Variants in WWOX observed in about 807,000 individuals in gnomAD.
WWOX encodes the protein WW domain containing oxidoreductase, also known as WW domain-containing oxidoreductase.
WWOX carries 69 observed loss-of-function variants against 46.2 expected under a neutral mutation model. The observed-to-expected ratio is 1.49, with a 90% CI of 1.23 to 1.82. The LOEUF (loss-of-function observed/expected upper bound fraction) is 1.82. Ranked by LOEUF, WWOX falls within the 40% of genes most tolerant of loss-of-function variation. The pLI, the probability that WWOX is intolerant of heterozygous loss-of-function variation, is 0.00. For synonymous variants in WWOX, 359 were observed against 202.6 expected, an observed-to-expected ratio of 1.77 and a Z score of -6.56; for missense variants, 919 against 542.6, an observed-to-expected ratio of 1.69 and a Z score of -6.89.
intron 4 of WWOX, among the ~76,000 whole-genome samples, chr16:78,132,181 C>A (rs993921054): frequency 2.0e-5 from 3 of 151,768 alleles, no homozygotes; most frequent in East Asian, 3.9e-4. Context: ...CCCGCCACCA[C>A]GCCCGGCTAA....
intron 8 of WWOX, among the ~76,000 whole-genome samples, chr16:78,791,521 C>T (rs1159708796): frequency 6.6e-6 from 1 of 152,228 alleles, no homozygotes; most frequent in South Asian, 2.1e-4. Flanking sequence ...TTGTGTTCCC[C>T]AGATGGGTTT....
chr16:78,540,188 A>G (rs1309329359), intron 8 of WWOX, among the ~76,000 whole-genome samples: 2 of 152,012 alleles, frequency 1.3e-5, no homozygotes, highest in Non-Finnish European at 2.9e-5. Context: ...AAAAAGCAAA[A>G]TGGTAACAAT....
chr16:79,021,438 T>A (rs966935805), intron 8 of WWOX, among the ~76,000 whole-genome samples: 1 of 152,092 alleles, frequency 6.6e-6, no homozygotes, highest in Non-Finnish European at 1.5e-5. Context: ...ACGCACGGGA[T>A]CACAGAGGAA....
At chr16:78,656,506 A>G (rs1414836429) in intron 8 of WWOX, among the ~76,000 whole-genome samples, 1 of 152,212 alleles carries the variant, frequency 6.6e-6, no homozygotes, top group Non-Finnish European at 1.5e-5. Context: ...CATGTTCTGC[A>G]TGGCTGGAGT....
intron 4 of WWOX, among the ~76,000 whole-genome samples, chr16:78,132,027 C>CTT (rs1298818927): frequency 2.4e-4 from 31 of 128,508 alleles, no homozygotes; most frequent in African/African-American, 5.8e-4. Flanking sequence ...TTTTCTTTTT[C>CTT]TTTTTTTTTT....
chr16:78,166,974 A>C (rs2034996104), intron 5 of WWOX: 1 of 152,234 alleles, frequency 6.6e-6, no homozygotes, highest in African/African-American at 2.4e-5. Context: ...TCAAAATTGT[A>C]AAACTCTGCC....
At chr16:79,204,199 A>C (rs1379425967) in intron 8 of WWOX, 2 of 152,184 alleles carry the variant, frequency 1.3e-5, no homozygotes, top group Non-Finnish European at 2.9e-5. Flanking sequence ...CAATGTAGGT[A>C]TCCCAGGCAG....
intron 5 of WWOX, among the ~76,000 whole-genome samples, chr16:78,322,009 T>C (rs2080494389): frequency 6.6e-6 from 1 of 152,168 alleles, no homozygotes; most frequent in Non-Finnish European, 1.5e-5. Context: ...AATCAGTGCA[T>C]GAGAACAGCA....
chr16:78,652,426 A>AAG (rs1555510555), intron 8 of WWOX, among the ~76,000 whole-genome samples: 1 of 130,964 alleles, frequency 7.6e-6, no homozygotes, highest in Admixed American at 8.4e-5. Flanking sequence ...AAAAAAAAAA[A>AAG]AAAAAGAAAA....
intron 4 of WWOX, among the ~76,000 whole-genome samples, chr16:78,140,756 C>G (rs1358999296): frequency 2.0e-5 from 3 of 152,134 alleles, no homozygotes; most frequent in South Asian, 4.2e-4. Flanking sequence ...CTGCAAAGGC[C>G]CTGTTTCCAA....
At chr16:78,958,845 T>A (rs1394109923) in intron 8 of WWOX, among the ~76,000 whole-genome samples, 1 of 152,186 alleles carries the variant, frequency 6.6e-6, no homozygotes, top group Admixed American at 6.5e-5. Flanking sequence ...AATTTTAAAA[T>A]TCTTCCTTTG....
intron 8 of WWOX, among the ~76,000 whole-genome samples, chr16:78,919,519 GTTT>G (rs1362661780): frequency 4.5e-5 from 3 of 67,288 alleles, no homozygotes; most frequent in Admixed American, 2.9e-4. Context: ...TTATCTTTTT[GTTT>G]TGTTTTTTTT....
At chr16:78,937,943 G>A (rs1422860009) in intron 8 of WWOX, among the ~76,000 whole-genome samples, 2 of 152,096 alleles carry the variant, frequency 1.3e-5, no homozygotes, top group South Asian at 2.1e-4. Flanking sequence ...ACTTTTTAAT[G>A]TGCCAAGGTC....
chr16:78,944,522 G>C (rs1044666346), intron 8 of WWOX, among the ~76,000 whole-genome samples: 4 of 152,234 alleles, frequency 2.6e-5, no homozygotes, highest in African/African-American at 9.6e-5. Flanking sequence ...TATTTGATTT[G>C]TCTTGCTGTA....
At chr16:78,914,714 C>G (rs1193711600) in intron 8 of WWOX, among the ~76,000 whole-genome samples, 1 of 151,578 alleles carries the variant, frequency 6.6e-6, no homozygotes, top group Non-Finnish European at 1.5e-5. Context: ...CCCGTCTCTA[C>G]TAAAAATACA....
At chr16:78,812,625 C>T (rs1287629697) in intron 8 of WWOX, among the ~76,000 whole-genome samples, 1 of 152,024 alleles carries the variant, frequency 6.6e-6, no homozygotes, top group African/African-American at 2.4e-5. Context: ...GCTCGGGAGG[C>T]TGACGCGCGA....
At chr16:79,067,819 A>G (rs2048470707) in intron 8 of WWOX, among the ~76,000 whole-genome samples, 1 of 152,132 alleles carries the variant, frequency 6.6e-6, no homozygotes. Context: ...TGTGCTGCTG[A>G]CAGTGTTGCG....
intron 8 of WWOX, among the ~76,000 whole-genome samples, chr16:78,752,679 C>T (rs1398342813): frequency 1.3e-5 from 2 of 152,160 alleles, no homozygotes; most frequent in Non-Finnish European, 2.9e-5. Context: ...TCTGTTTTCC[C>T]CTGAGAGTGG....
intron 8 of WWOX, among the ~76,000 whole-genome samples, chr16:78,649,348 A>T (rs1236335755): frequency 6.6e-6 from 1 of 151,358 alleles, no homozygotes; most frequent in Non-Finnish European, 1.5e-5. Flanking sequence ...CAGTGGTGCA[A>T]TCCTAGCTTA....
Sources: gnomAD v4.1 joint callset for allele counts (sites outside exome capture counted in the v4.1 genomes callset) on GRCh38, gnomAD v4.1.1 for gene constraint, MANE v1.5 for transcripts, NCBI Gene and HGNC (gene_info 2026-07-23, HGNC 2026-07-21) for gene names.